Variants in OR1I1 observed in about 807,000 individuals in gnomAD.
OR1I1 encodes olfactory receptor family 1 subfamily I member 1, also known as olfactory receptor 1I1.
For missense variants in OR1I1, 451 were observed against 443.6 expected, an observed-to-expected ratio of 1.02 and a Z score of -0.15; for synonymous variants, 171 against 181.4, an observed-to-expected ratio of 0.94 and a Z score of 0.46.
rs2046250781 is a variant in OR1I1 at position 15,090,124 on chromosome 19, G to A, written c.*1991G>A. ...ACTGCCTGCAGACCACCAGAAGCCA[G>A]GAGAGGCGTGGAACAGGCTATCCCT... On this transcript the variant is annotated 3_prime_UTR_variant, in exon 2 of 2. Transcript: ENST00000641398. 6.6e-6 allele frequency: 1 copy of A among 151,832 alleles called. No individual in the cohort carries two copies. The highest frequency in any genetic ancestry group is 2.4e-5 in the African/African-American group (1 of 41,328). The allele number at this position is 151,832 out of a possible 1,614,324, so 9.4% of individuals were successfully genotyped here. A position where few individuals can be genotyped will look rare whatever the true frequency, so the allele number is the denominator to read the frequency against.
chr19:15,084,367 G>A, intron 1 of OR1I1, among the ~76,000 whole-genome samples: 1 of 152,154 alleles, frequency 6.6e-6, no homozygotes, highest in East Asian at 1.9e-4. Flanking sequence ...AGACCAGTCT[G>A]ACAAACATGG....
At position 15,088,336 on chromosome 19, in the gene OR1I1, A is replaced by C. The variant is rs942508186; in HGVS notation, c.*203A>C. On this transcript the variant is annotated 3_prime_UTR_variant, in exon 2 of 2. Coordinates refer to ENST00000641398, the MANE Select transcript of OR1I1 (RefSeq NM_001004713.2). ...GTGAATAAGAGTAGTTGAAAACAAG[A>C]GACGTAGCTACACTCATTTTAGTAT... The C allele has an allele frequency of 1.7e-6, 1 of 579,778 alleles. No homozygotes were observed. Among genetic ancestry groups the C allele is most frequent in the Non-Finnish European group, 3.0e-6 (1 of 338,266 alleles). 35.9% of individuals were successfully genotyped at this position (579,778 alleles called of 1,614,324 possible).
At position 15,087,292 on chromosome 19, in the gene OR1I1, C is replaced by T; in HGVS notation, c.227C>T (p.Thr76Ile). ...LSLVDTLLSS[T>I]TVPKMLANIQ... ...CTCGTTGACACCCTATTATCCTCCA[C>T]CACCGTCCCCAAGATGCTAGCGAAC... The change falls in exon 2 of 2, where the codon ACC becomes ATC. Residue 76 changes from threonine (T) to isoleucine (I), a missense_variant. Transcript: ENST00000641398. The T allele has an allele frequency of 1.2e-6, 2 of 1,614,166 alleles. No individual in the cohort carries two copies. Among genetic ancestry groups the T allele is most frequent in the Non-Finnish European group, 1.7e-6 (2 of 1,180,030 alleles).
rs1024870662 is a variant in OR1I1, at chr19:15,091,265, C to T, written c.*3132C>T. 6 of 152,344 alleles carry T rather than the reference C, an allele frequency of 3.9e-5. No individual in the cohort carries two copies. The highest frequency in any genetic ancestry group is 1.9e-4 in the East Asian group (1 of 5,194). 9.4% of individuals were successfully genotyped at this position (152,344 alleles called of 1,614,324 possible). A position where few individuals can be genotyped will look rare whatever the true frequency, so the allele number is the denominator to read the frequency against. ...AGCAGGCTGCGCATGGTGGCTCACA[C>T]CTGTATTCCCAGCACTTTGGGAGGC... On this transcript the variant is annotated 3_prime_UTR_variant, in exon 2 of 2. Coordinates refer to ENST00000641398, the MANE Select transcript of OR1I1 (RefSeq NM_001004713.2).
At position 15,091,795 on chromosome 19, in the gene OR1I1, C is replaced by G. The variant is rs1372566114; in HGVS notation, c.*3662C>G. 1.4e-5 allele frequency: 2 copies of G among 146,788 alleles called. No homozygotes were observed. The highest frequency in any genetic ancestry group is 3.0e-5 in the Non-Finnish European group (2 of 67,470). 9.1% of individuals were successfully genotyped at this position (146,788 alleles called of 1,614,324 possible). A position where few individuals can be genotyped will look rare whatever the true frequency, so the allele number is the denominator to read the frequency against. ...CGTGAGCCGAGATCGCCCCACTGCA[C>G]TCCAGCCTGGGTGACAGAGCGAGAC... On this transcript the variant is annotated 3_prime_UTR_variant, in exon 2 of 2. Transcript: ENST00000641398.
In OR1I1 at chr19:15,084,925, A is replaced by T. The variant is rs578238003; in HGVS notation, c.-13-2128A>T. 2.0e-3 allele frequency among the ~76,000 whole-genome samples: 310 copies of T among 151,710 alleles called. 2 individuals carry two copies. Among genetic ancestry groups the T allele is most frequent in the African/African-American group, 7.0e-3 (291 of 41,414 alleles). ...CCTGAGCTCAGGAGGTACAGGCTGCAGTGAGCTGTGATTGTGCCACCGCAC... is the reference window on the plus strand; with the variant it reads ...CCTGAGCTCAGGAGGTACAGGCTGCTGTGAGCTGTGATTGTGCCACCGCAC... On this transcript the variant is annotated intron_variant, in intron 1 of 1. Coordinates refer to ENST00000641398, the MANE Select transcript of OR1I1 (RefSeq NM_001004713.2).
chr19:15,086,868 T>A, intron 1 of OR1I1, 185 bp from the exon 2 acceptor site: 1 of 851,066 alleles, frequency 1.2e-6, no homozygotes, highest in Non-Finnish European at 1.7e-6. Context: ...CAGGCATGAA[T>A]GACTTGGCTT....
At position 15,092,087 on chromosome 19, in the gene OR1I1, CTTTTTTTT is replaced by C. The variant is rs537423650; in HGVS notation, c.*3970_*3977del. ...CATTTCACAAATTGGATTTAAAACG[CTTTTTTTT>C]TTTTTTTTTTTTTTTGGTTTTTGGT... On this transcript the variant is annotated 3_prime_UTR_variant, in exon 2 of 2. Coordinates refer to ENST00000641398, the MANE Select transcript of OR1I1 (RefSeq NM_001004713.2). 2.2e-3 allele frequency: 106 copies of C among 49,020 alleles called. No homozygotes were observed. Among genetic ancestry groups the C allele is most frequent in the African/African-American group, 9.0e-3 (97 of 10,744 alleles). The allele number at this position is 49,020 out of a possible 1,614,324, so 3.0% of individuals were successfully genotyped here. A position where few individuals can be genotyped will look rare whatever the true frequency, so the allele number is the denominator to read the frequency against.
intron 1 of OR1I1, among the ~76,000 whole-genome samples, chr19:15,085,235 A>G (rs944432578): frequency 2.6e-4 from 37 of 142,096 alleles, no homozygotes; most frequent in African/African-American, 9.7e-4. Flanking sequence ...CAGTGGCTCA[A>G]TCTCAGCCCA....
chr19:15,086,738 G>T (rs77627298), intron 1 of OR1I1, among the ~76,000 whole-genome samples: 3,517 of 152,134 alleles, frequency 0.023, 94 homozygotes, highest in East Asian at 0.1. Context: ...TTACAGGCGC[G>T]GGCCACTTGG....
At position 15,088,150 on chromosome 19, in the gene OR1I1, G is replaced by C; in HGVS notation, c.*17G>C. ...ATGGAATAAATCCTTCCAGTACAAC[G>C]TGATAAATGTGTCATAAAGAGATGA... On this transcript the variant is annotated 3_prime_UTR_variant, in exon 2 of 2. Coordinates refer to ENST00000641398, the MANE Select transcript of OR1I1 (RefSeq NM_001004713.2). 6.5e-7 allele frequency: 1 copy of C among 1,530,622 alleles called. No homozygotes were observed. The highest frequency in any genetic ancestry group is 8.8e-7 in the Non-Finnish European group (1 of 1,134,806). 94.8% of individuals were successfully genotyped at this position (1,530,622 alleles called of 1,614,324 possible).
intron 1 of OR1I1, among the ~76,000 whole-genome samples, chr19:15,083,402 T>A (rs1487036770): frequency 1.3e-5 from 2 of 152,158 alleles, no homozygotes; most frequent in African/African-American, 4.8e-5. Context: ...GGCCCGCTTT[T>A]TGTGTTTTAA....
At position 15,090,237 on chromosome 19, in the gene OR1I1, T is replaced by C. The variant is rs2046251363; in HGVS notation, c.*2104T>C. The C allele has an allele frequency of 6.7e-6, 1 of 148,840 alleles. No homozygotes were observed. The highest frequency in any genetic ancestry group is 2.5e-5 in the African/African-American group (1 of 39,734). 9.2% of individuals were successfully genotyped at this position (148,840 alleles called of 1,614,324 possible). A position where few individuals can be genotyped will look rare whatever the true frequency, so the allele number is the denominator to read the frequency against. On this transcript the variant is annotated 3_prime_UTR_variant, in exon 2 of 2. Coordinates refer to ENST00000641398, the MANE Select transcript of OR1I1 (RefSeq NM_001004713.2). ...TTTTTTTTGAGACGGAGTCTTGCTC[T>C]GTCATCCCGGCTGGATGCAGTGGCA...
rs546745174 is a variant in OR1I1 at position 15,082,520 on chromosome 19, A to G, written c.-14+244A>G. On this transcript the variant is annotated intron_variant, in intron 1 of 1. Transcript: ENST00000641398. ...GACCAAGTCTAGACTCTCTGAGTGGACAAAGCACGCAGACGGCAGACCCTC... is the reference window on the plus strand; with the variant it reads ...GACCAAGTCTAGACTCTCTGAGTGGGCAAAGCACGCAGACGGCAGACCCTC... Among the ~76,000 whole-genome samples the G allele has an allele frequency of 3.3e-5, 5 of 152,228 alleles. No homozygotes were observed. The East Asian group carries it at 7.7e-4, about 24-fold the overall frequency.
rs1392442576 is a variant in OR1I1, at chr19:15,091,935, C to T, written c.*3802C>T. ...CCGGGACCCAAATAGGCTTTAGGTACAGAGATACAGGAGAACCAGATTTGG... is the reference window on the plus strand; with the variant it reads ...CCGGGACCCAAATAGGCTTTAGGTATAGAGATACAGGAGAACCAGATTTGG... On this transcript the variant is annotated 3_prime_UTR_variant, in exon 2 of 2. Transcript: ENST00000641398. The T allele has an allele frequency of 6.6e-6, 1 of 150,884 alleles. No individual in the cohort carries two copies. Among genetic ancestry groups the T allele is most frequent in the Non-Finnish European group, 1.5e-5 (1 of 67,902 alleles). 9.3% of individuals were successfully genotyped at this position (150,884 alleles called of 1,614,324 possible). A position where few individuals can be genotyped will look rare whatever the true frequency, so the allele number is the denominator to read the frequency against.
rs963977383 is a variant in OR1I1 at position 15,091,294 on chromosome 19, G to C, written c.*3161G>C. ...TATTCCCAGCACTTTGGGAGGCCGA[G>C]GCGGGCAGATCACAAGGTCAGTAGA... is the stretch of plus-strand genomic sequence containing the variant. On this transcript the variant is annotated 3_prime_UTR_variant, in exon 2 of 2. Transcript: ENST00000641398. The C allele has an allele frequency of 6.6e-6, 1 of 152,254 alleles. No individual in the cohort carries two copies. The highest frequency in any genetic ancestry group is 2.1e-4 in the South Asian group (1 of 4,828). The allele number at this position is 152,254 out of a possible 1,614,324, so 9.4% of individuals were successfully genotyped here.
rs1555717400 is a variant in OR1I1 at position 15,085,176 on chromosome 19, A to ATATGTTTT, written c.-13-1876_-13-1875insATGTTTTT. Among the ~76,000 whole-genome samples the ATATGTTTT allele has an allele frequency of 7.5e-3, 604 of 80,086 alleles. 68 individuals carry two copies. Among genetic ancestry groups the ATATGTTTT allele is most frequent in the East Asian group, 0.013 (26 of 2,060 alleles). The allele number at this position is 80,086 out of a possible 152,430, so 52.5% of individuals were successfully genotyped here. On this transcript the variant is annotated intron_variant, in intron 1 of 1. Coordinates refer to ENST00000641398, the MANE Select transcript of OR1I1 (RefSeq NM_001004713.2). ...TATATATATATATATATATATATATATTTTTTTTTTTGAGACAGAGTTTCG... is the reference window on the plus strand; with the variant it reads ...TATATATATATATATATATATATATATATGTTTTTTTTTTTTTTTGAGACAGAGTTTCG...
intron 1 of OR1I1, among the ~76,000 whole-genome samples, chr19:15,085,161 TATATATA>T (rs1387063956): frequency 0.014 from 671 of 48,306 alleles, 44 homozygotes; most frequent in Middle Eastern, 0.022. Context: ...TATATATATA[TATATATA>T]TATATATATT....
chr19:15,086,856 C>T, intron 1 of OR1I1, 197 bp from the exon 2 acceptor site: 1 of 744,518 alleles, frequency 1.3e-6, no homozygotes, highest in Non-Finnish European at 2.1e-6. Context: ...CCCTGACTGT[C>T]TCAGGCATGA....
Sources: allele counts gnomAD v4.1 joint callset (sites outside exome capture counted in the v4.1 genomes callset), GRCh38; gene constraint gnomAD v4.1.1; transcripts MANE v1.5; gene names NCBI Gene and HGNC (gene_info 2026-07-23, HGNC 2026-07-21).